Variants in LRRC4C observed in about 807,000 individuals in gnomAD.
LRRC4C encodes leucine rich repeat containing 4C.
A neutral mutation model predicts 33.6 loss-of-function variants in LRRC4C; 5 were observed. That is an observed-to-expected ratio of 0.15 (90% CI 0.08 to 0.31). The LOEUF is 0.31. LRRC4C is among the 10% of genes least tolerant of loss of function. The pLI, the probability that LRRC4C is intolerant of heterozygous loss-of-function variation, is 1.00. For missense variants in LRRC4C, 560 were observed against 796.7 expected, an observed-to-expected ratio of 0.70 and a Z score of 3.58; for synonymous variants, 329 against 302.0, an observed-to-expected ratio of 1.09 and a Z score of -0.93.
chr11:41,066,047 G>C (rs1590408480), intron 1 of LRRC4C, among the ~76,000 whole-genome samples: 1 of 152,176 alleles, frequency 6.6e-6, no homozygotes, highest in Admixed American at 6.5e-5. Context: ...CAAGAGCACA[G>C]AACTGGATGG....
chr11:41,114,751 C>T (rs1942028579), intron 1 of LRRC4C, among the ~76,000 whole-genome samples: 1 of 152,032 alleles, frequency 6.6e-6, no homozygotes, highest in African/African-American at 2.4e-5. Context: ...ATTGAACAAG[C>T]TCATACATTT....
intron 1 of LRRC4C, among the ~76,000 whole-genome samples, chr11:40,998,437 A>G (rs1192772428): frequency 1.3e-5 from 2 of 152,116 alleles, no homozygotes; most frequent in African/African-American, 4.8e-5. Context: ...GACTGTAAAA[A>G]AAATTAAAAT....
At chr11:40,863,892 T>G (rs906717333) in intron 2 of LRRC4C, among the ~76,000 whole-genome samples, 2 of 152,152 alleles carry the variant, frequency 1.3e-5, no homozygotes, top group Admixed American at 1.3e-4. Flanking sequence ...AAAGAAAATA[T>G]TCTTTACCAA....
At chr11:41,012,877 G>A (rs550582649) in intron 1 of LRRC4C, among the ~76,000 whole-genome samples, 1 of 152,108 alleles carries the variant, frequency 6.6e-6, no homozygotes, top group Non-Finnish European at 1.5e-5. Flanking sequence ...TTGGCCATCT[G>A]TATGTGTTCT....
chr11:40,667,367 C>T (rs564428148), intron 2 of LRRC4C, among the ~76,000 whole-genome samples: 2 of 152,204 alleles, frequency 1.3e-5, no homozygotes, highest in South Asian at 2.1e-4. Flanking sequence ...ATAAGAAAAT[C>T]GATGTTCCTT....
intron 1 of LRRC4C, among the ~76,000 whole-genome samples, chr11:41,037,211 T>C (rs922229408): frequency 6.6e-6 from 1 of 151,948 alleles, no homozygotes; most frequent in Non-Finnish European, 1.5e-5. Context: ...AGAAAATATT[T>C]CTAAATCAAC....
chr11:41,296,503 C>T (rs925953890), intron 1 of LRRC4C, among the ~76,000 whole-genome samples: 7 of 151,856 alleles, frequency 4.6e-5, no homozygotes, highest in East Asian at 1.9e-4. Context: ...TTAGTAGAGA[C>T]GGGGTTTCAC....
At chr11:40,509,265 A>C (rs1409310964) in intron 3 of LRRC4C, among the ~76,000 whole-genome samples, 3 of 152,180 alleles carry the variant, frequency 2.0e-5, no homozygotes, top group Non-Finnish European at 4.4e-5. Flanking sequence ...ATGCATCTAC[A>C]GTGTGATTCC....
At chr11:40,848,385 C>T (rs764620667) in intron 2 of LRRC4C, among the ~76,000 whole-genome samples, 9 of 152,080 alleles carry the variant, frequency 5.9e-5, no homozygotes, top group Admixed American at 2.6e-4. Flanking sequence ...TTATTTATTT[C>T]GGTCTTCCTT....
At chr11:40,564,911 C>A (rs1957693342) in intron 3 of LRRC4C, among the ~76,000 whole-genome samples, 1 of 152,136 alleles carries the variant, frequency 6.6e-6, no homozygotes, top group Non-Finnish European at 1.5e-5. Flanking sequence ...TCCAAATGAT[C>A]CACTTGGTTA....
chr11:40,190,978 G>A (rs1479597261), intron 5 of LRRC4C, among the ~76,000 whole-genome samples: 1 of 152,190 alleles, frequency 6.6e-6, no homozygotes, highest in Non-Finnish European at 1.5e-5. Context: ...GTCAAAATGT[G>A]TTGATTTAGT....
intron 1 of LRRC4C, among the ~76,000 whole-genome samples, chr11:41,015,939 G>C (rs540956049): frequency 1.0e-3 from 153 of 152,176 alleles, no homozygotes; most frequent in Non-Finnish European, 1.9e-3. Context: ...GCAGTGAGCC[G>C]AGATCGCGCC....
chr11:40,355,707 G>C (rs1409242574), intron 3 of LRRC4C, among the ~76,000 whole-genome samples: 2 of 152,086 alleles, frequency 1.3e-5, no homozygotes, highest in African/African-American at 4.8e-5. Flanking sequence ...TGGAGGGGTG[G>C]TATAGGCAAT....
intron 3 of LRRC4C, among the ~76,000 whole-genome samples, chr11:40,348,239 T>A (rs2137061779): frequency 6.6e-6 from 1 of 151,296 alleles, no homozygotes; most frequent in South Asian, 2.1e-4. Context: ...CTAGACTTGC[T>A]CAATGCAGAG....
At chr11:40,269,320 C>T (rs1311458434) in intron 4 of LRRC4C, among the ~76,000 whole-genome samples, 1 of 152,070 alleles carries the variant, frequency 6.6e-6, no homozygotes, top group Admixed American at 6.6e-5. Context: ...TTATTGAGTT[C>T]TTACTATGTG....
intron 3 of LRRC4C, among the ~76,000 whole-genome samples, chr11:40,389,767 C>T (rs188592691): frequency 2.6e-5 from 4 of 152,276 alleles, no homozygotes; most frequent in African/African-American, 7.2e-5. Flanking sequence ...CTATTTTACT[C>T]ATGCCTACCT....
intron 1 of LRRC4C, among the ~76,000 whole-genome samples, chr11:41,171,617 G>C (rs2037529665): frequency 6.8e-6 from 1 of 147,918 alleles, no homozygotes; most frequent in African/African-American, 2.5e-5. Flanking sequence ...GGCGGGAGGG[G>C]GGAGGGATAG....
chr11:40,473,044 C>T (rs1219185606), intron 3 of LRRC4C, among the ~76,000 whole-genome samples: 1 of 152,196 alleles, frequency 6.6e-6, no homozygotes, highest in Middle Eastern at 3.2e-3. Flanking sequence ...GAGCTGGTAC[C>T]ATTCCTTCTG....
intron 3 of LRRC4C, among the ~76,000 whole-genome samples, chr11:40,382,123 A>ATATTTTT (rs1948898445): frequency 1.0e-5 from 1 of 99,986 alleles, no homozygotes; most frequent in Non-Finnish European, 2.0e-5. Flanking sequence ...TGCCCGGCTA[A>ATATTTTT]TTTTTTTTTT....
Sources: gnomAD v4.1 joint callset for allele counts (sites outside exome capture counted in the v4.1 genomes callset) on GRCh38, gnomAD v4.1.1 for gene constraint, MANE v1.5 for transcripts, NCBI Gene and HGNC (gene_info 2026-07-23, HGNC 2026-07-21) for gene names.